ASIC2: variants seen among roughly 807,000 people sequenced by gnomAD.
The protein encoded by ASIC2 is acid sensing ion channel subunit 2, also known as acid-sensing ion channel 2.
Under a neutral mutation model 57.3 loss-of-function variants are expected in ASIC2, and 25 were observed. The observed-to-expected ratio is 0.44, with a 90% CI of 0.32 to 0.61. ASIC2 has a LOEUF of 0.61. ASIC2 is among the 20% of genes least tolerant of loss of function. The probability of loss-of-function intolerance (pLI) is 0.06; values close to 1 mark genes in which losing one functional copy is unlikely to be tolerated. For synonymous variants in ASIC2, 319 were observed against 307.5 expected, an observed-to-expected ratio of 1.04 and a Z score of -0.39; for missense variants, 641 against 738.1, an observed-to-expected ratio of 0.87 and a Z score of 1.52.
chr17:33,653,117 C>T (rs748366469), intron 1 of ASIC2, among the ~76,000 whole-genome samples: 31 of 152,212 alleles, frequency 2.0e-4, no homozygotes, highest in Non-Finnish European at 3.7e-4. Context: ...AGGCTTTACA[C>T]GCTAAGCTTT....
intron 1 of ASIC2, among the ~76,000 whole-genome samples, chr17:34,061,381 T>C (rs1315447252): frequency 6.6e-6 from 1 of 152,052 alleles, no homozygotes; most frequent in Non-Finnish European, 1.5e-5. Flanking sequence ...TGGAAACACA[T>C]CAAAACAGAA....
chr17:33,904,094 C>A (rs1249603950), intron 1 of ASIC2, among the ~76,000 whole-genome samples: 1 of 124,044 alleles, frequency 8.1e-6, no homozygotes, highest in African/African-American at 3.1e-5. Context: ...ACCCTGGAGG[C>A]GGAGGTTGCA....
chr17:33,352,226 C>T (rs113634256), intron 1 of ASIC2, among the ~76,000 whole-genome samples: 7 of 152,272 alleles, frequency 4.6e-5, no homozygotes, highest in African/African-American at 1.2e-4. Flanking sequence ...ACTTCAAAAT[C>T]AACATGCCCA....
chr17:33,494,955 T>A (rs1020413849), intron 1 of ASIC2, among the ~76,000 whole-genome samples: 1 of 152,168 alleles, frequency 6.6e-6, no homozygotes, highest in Admixed American at 6.5e-5. Context: ...TCTATACTCT[T>A]GTTCTCTCAG....
chr17:33,223,077 G>A (rs889300986), intron 1 of ASIC2, among the ~76,000 whole-genome samples: 3 of 152,144 alleles, frequency 2.0e-5, no homozygotes, highest in Non-Finnish European at 4.4e-5. Context: ...TGTACTAAAA[G>A]GCCTAATTAA....
At chr17:33,155,716 C>T (rs1328654179) in intron 1 of ASIC2, among the ~76,000 whole-genome samples, 1 of 151,844 alleles carries the variant, frequency 6.6e-6, no homozygotes, top group Non-Finnish European at 1.5e-5. Flanking sequence ...CCTGCTACCA[C>T]ACCCAGCTAA....
At chr17:33,455,634 G>A (rs1252095147) in intron 1 of ASIC2, among the ~76,000 whole-genome samples, 1 of 152,188 alleles carries the variant, frequency 6.6e-6, no homozygotes, top group African/African-American at 2.4e-5. Context: ...TATGTTATCA[G>A]CACTGCTTCC....
chr17:34,109,874 C>A (rs998837480), intron 1 of ASIC2, among the ~76,000 whole-genome samples: 4 of 152,008 alleles, frequency 2.6e-5, no homozygotes, highest in Admixed American at 1.3e-4. Flanking sequence ...ATAAGTTTTT[C>A]TCTCTCTTTA....
intron 1 of ASIC2, among the ~76,000 whole-genome samples, chr17:34,074,872 A>G (rs1224488168): frequency 7.1e-6 from 1 of 140,610 alleles, no homozygotes; most frequent in African/African-American, 2.7e-5. Flanking sequence ...CACAAACACC[A>G]TCTCCAGGGT....
intron 1 of ASIC2, among the ~76,000 whole-genome samples, chr17:34,023,283 C>CT (rs1202601300): frequency 4.6e-5 from 7 of 152,044 alleles, no homozygotes; most frequent in African/African-American, 1.7e-4. Context: ...CTATTTGTCT[C>CT]TTTCCTAAGT....
At chr17:33,319,267 C>T (rs1267734323) in intron 1 of ASIC2, among the ~76,000 whole-genome samples, 1 of 152,198 alleles carries the variant, frequency 6.6e-6, no homozygotes, top group Non-Finnish European at 1.5e-5. Context: ...TTTCATGCAT[C>T]CATTGGGGTA....
intron 1 of ASIC2, among the ~76,000 whole-genome samples, chr17:33,219,215 A>G (rs1157536276): frequency 6.6e-6 from 1 of 152,230 alleles, no homozygotes. Context: ...TTCCCGGCAC[A>G]GGAAATCTGC....
chr17:33,120,011 G>A (rs915925000), intron 1 of ASIC2, among the ~76,000 whole-genome samples: 1 of 152,224 alleles, frequency 6.6e-6, no homozygotes, highest in African/African-American at 2.4e-5. Flanking sequence ...CTTGGAAGTA[G>A]ATGTTATTCT....
intron 1 of ASIC2, among the ~76,000 whole-genome samples, chr17:33,824,512 A>G (rs1380712289): frequency 6.6e-6 from 1 of 152,180 alleles, no homozygotes; most frequent in Non-Finnish European, 1.5e-5. Flanking sequence ...GAGCTATTGA[A>G]TCAGATTCTA....
chr17:33,164,370 T>C (rs1336189525), intron 1 of ASIC2, among the ~76,000 whole-genome samples: 4 of 152,054 alleles, frequency 2.6e-5, no homozygotes, highest in Non-Finnish European at 5.9e-5. Flanking sequence ...CTGGCTGGAG[T>C]TGCTCTTCCC....
intron 1 of ASIC2, among the ~76,000 whole-genome samples, chr17:34,122,427 C>T (rs764898130): frequency 1.1e-4 from 17 of 152,216 alleles, no homozygotes; most frequent in Admixed American, 3.3e-4. Context: ...CTGTGGTTCA[C>T]GGTTCATCGG....
intron 1 of ASIC2, among the ~76,000 whole-genome samples, chr17:33,540,601 C>T (rs1295965447): frequency 2.6e-5 from 4 of 152,118 alleles, no homozygotes; most frequent in African/African-American, 9.7e-5. Context: ...TTTCGCTGCC[C>T]TCACATAGAG....
Position 33,523,537 on chromosome 17 carries a change from C to T in ASIC2, c.556-411470G>A, listed in dbSNP as rs1291312833. On this transcript the variant is annotated intron_variant, in intron 1 of 9. Coordinates refer to the ASIC2 transcript ENST00000359872. ...ACTCCCAAAGTACTGGGATTGCAGGCGTGAACCACTGTGCCCGGCTAGGAT... is the reference window on the plus strand; with the variant it reads ...ACTCCCAAAGTACTGGGATTGCAGGTGTGAACCACTGTGCCCGGCTAGGAT... Among the ~76,000 whole-genome samples, 6 of 152,192 alleles carry T rather than the reference C, an allele frequency of 3.9e-5. No individual in the cohort carries two copies. The South Asian group carries it at 6.3e-4, about 16-fold the overall frequency.
intron 1 of ASIC2, among the ~76,000 whole-genome samples, chr17:34,032,227 A>G (rs1009116694): frequency 6.6e-6 from 1 of 152,200 alleles, no homozygotes; most frequent in Admixed American, 6.5e-5. Context: ...TAAAGAAAAG[A>G]ATTTTCAACC....
Sources: allele counts gnomAD v4.1 joint callset (sites outside exome capture counted in the v4.1 genomes callset), GRCh38; gene constraint gnomAD v4.1.1; transcripts MANE v1.5; gene names NCBI Gene and HGNC (gene_info 2026-07-23, HGNC 2026-07-21).